Variants in HDAC9 observed in about 807,000 individuals in gnomAD.
HDAC9 encodes the protein MEF-2 interacting transcription repressor (MITR) protein.
A neutral mutation model predicts 139.4 loss-of-function variants in HDAC9; 41 were observed. The ratio of observed to expected loss-of-function variants is 0.29; its 90% CI spans 0.23 to 0.38. HDAC9 has a LOEUF of 0.38. HDAC9 is among the 10% of genes least tolerant of loss of function. The pLI is 1.00. For missense variants in HDAC9, 1,147 were observed against 1,297.0 expected (o/e 0.88, Z 1.78); for synonymous variants, 517 against 476.2 (o/e 1.09, Z -1.12).
chr7:18,808,467 G>A (rs1191513972), intron 17 of HDAC9, among the ~76,000 whole-genome samples: 1 of 151,866 alleles, frequency 6.6e-6, no homozygotes, highest in Non-Finnish European at 1.5e-5. Context: ...ATAAATTTGG[G>A]AAAGTTATAG....
intron 1 of HDAC9, among the ~76,000 whole-genome samples, chr7:18,108,447 G>C (rs1783374796): frequency 6.6e-6 from 1 of 152,162 alleles, no homozygotes; most frequent in African/African-American, 2.4e-5. Context: ...GGCTGTACTA[G>C]GTAATGGGAT....
chr7:18,298,040 G>A (rs687748), intron 1 of HDAC9, among the ~76,000 whole-genome samples: 29,024 of 152,012 alleles, frequency 0.19, 3,027 homozygotes, highest in East Asian at 0.26. Context: ...AATGTGTCAA[G>A]TCTGTATTAT....
At chr7:18,120,464 G>A (rs1033601861) in intron 1 of HDAC9, among the ~76,000 whole-genome samples, 2 of 152,174 alleles carry the variant, frequency 1.3e-5, no homozygotes, top group Non-Finnish European at 2.9e-5. Context: ...AGTCTGTAAA[G>A]CCAATTGAGG....
At chr7:18,458,900 A>G (rs751046591) in intron 1 of HDAC9, 20 of 1,530,660 alleles carry the variant, frequency 1.3e-5, no homozygotes, top group Non-Finnish European at 1.7e-5. Context: ...GGATCTTCCC[A>G]GGTAGAACCA....
At chr7:18,571,435 C>T (rs779568725) in intron 2 of HDAC9, among the ~76,000 whole-genome samples, 4 of 152,114 alleles carry the variant, frequency 2.6e-5, no homozygotes, top group Non-Finnish European at 4.4e-5. Context: ...ACCTTGGTTC[C>T]TCCTCTCCGT....
chr7:18,572,788 T>C (rs554845202), intron 2 of HDAC9, among the ~76,000 whole-genome samples: 1 of 152,288 alleles, frequency 6.6e-6, no homozygotes, highest in Non-Finnish European at 1.5e-5. Context: ...TTGATTTTGT[T>C]TCCGTAGTGC....
At chr7:18,355,959 C>T (rs1783227727) in intron 1 of HDAC9, among the ~76,000 whole-genome samples, 1 of 152,064 alleles carries the variant, frequency 6.6e-6, no homozygotes, top group Non-Finnish European at 1.5e-5. Context: ...GATCTTACTG[C>T]AAGCGATTGA....
intron 1 of HDAC9, among the ~76,000 whole-genome samples, chr7:18,384,008 T>G (rs575173188): frequency 3.4e-4 from 52 of 152,184 alleles, no homozygotes; most frequent in African/African-American, 1.2e-3. Flanking sequence ...TTTTGTAAAA[T>G]ATTATTTGGA....
chr7:18,662,236 A>G (rs909942583), intron 11 of HDAC9, among the ~76,000 whole-genome samples: 2 of 152,062 alleles, frequency 1.3e-5, no homozygotes, highest in African/African-American at 4.8e-5. Context: ...TATTAATATC[A>G]TATTTAAATG....
intron 17 of HDAC9, among the ~76,000 whole-genome samples, chr7:18,824,274 G>C (rs1795245711): frequency 1.3e-5 from 2 of 152,178 alleles, no homozygotes; most frequent in Non-Finnish European, 2.9e-5. Flanking sequence ...AACTGTGAGA[G>C]AGGCATGTCT....
chr7:18,235,242 C>T (rs1793737869), intron 2 of HDAC9, among the ~76,000 whole-genome samples: 1 of 152,032 alleles, frequency 6.6e-6, no homozygotes, highest in Admixed American at 6.5e-5. Context: ...AAATCTTTAT[C>T]ACTTTATCAA....
At chr7:18,896,602 C>T (rs572711527) in intron 22 of HDAC9, among the ~76,000 whole-genome samples, 1 of 152,180 alleles carries the variant, frequency 6.6e-6, no homozygotes, top group African/African-American at 2.4e-5. Flanking sequence ...CTTTTTCATT[C>T]TTGGGCATGA....
At chr7:18,458,909 C>G in intron 1 of HDAC9, 1 of 1,526,266 alleles carries the variant, frequency 6.6e-7, no homozygotes, top group Non-Finnish European at 8.8e-7. Flanking sequence ...CAGGTAGAAC[C>G]AGACCTTATC....
intron 1 of HDAC9, among the ~76,000 whole-genome samples, chr7:18,368,814 C>G (rs1328039263): frequency 2.0e-5 from 3 of 152,012 alleles, no homozygotes; most frequent in Non-Finnish European, 4.4e-5. Flanking sequence ...AGAGAAATGC[C>G]TCTCTGTGGT....
intron 22 of HDAC9, among the ~76,000 whole-genome samples, chr7:18,924,584 A>G (rs1193099197): frequency 1.3e-5 from 2 of 152,090 alleles, no homozygotes; most frequent in Middle Eastern, 3.2e-3. Context: ...ACATGTCCCC[A>G]TTTTCCTTAG....
chr7:18,137,514 AG>A (rs1378945027), intron 1 of HDAC9, among the ~76,000 whole-genome samples: 7 of 152,010 alleles, frequency 4.6e-5, no homozygotes, highest in South Asian at 2.1e-4. Context: ...TTTAGCATGA[AG>A]GGTTGTTGAA....
intron 1 of HDAC9, among the ~76,000 whole-genome samples, chr7:18,479,494 G>C (rs1563029227): frequency 6.6e-6 from 1 of 152,026 alleles, no homozygotes; most frequent in Non-Finnish European, 1.5e-5. Flanking sequence ...CTCTTACCTA[G>C]TTGTCTATAT....
At chr7:18,633,617 C>A (rs1360087241) in intron 7 of HDAC9, among the ~76,000 whole-genome samples, 5 of 151,960 alleles carry the variant, frequency 3.3e-5, no homozygotes, top group Admixed American at 6.6e-5. Context: ...GAAATCATAT[C>A]AAAAATCCTG....
chr7:18,332,361 ATG>A (rs33993916), intron 1 of HDAC9, among the ~76,000 whole-genome samples: 53,015 of 134,060 alleles, frequency 0.4, 10,430 homozygotes, highest in Middle Eastern at 0.53. Context: ...GCATGCGCAC[ATG>A]TGTGTGTGTG....
Sources: gnomAD v4.1 joint callset for allele counts (sites outside exome capture counted in the v4.1 genomes callset) on GRCh38, gnomAD v4.1.1 for gene constraint, MANE v1.5 for transcripts, NCBI Gene and HGNC (gene_info 2026-07-23, HGNC 2026-07-21) for gene names.